Variants in FFAR2 observed in about 807,000 individuals in gnomAD.
FFAR2 encodes G-protein coupled receptor 43.
For missense variants in FFAR2, 421 were observed against 428.9 expected (o/e 0.98, Z 0.16); for synonymous variants, 193 against 189.9 (o/e 1.02, Z -0.13).
At chr19:35,449,006 G>A (rs978316340) in intron 1 of FFAR2, among the ~76,000 whole-genome samples, 10 of 150,792 alleles carry the variant, frequency 6.6e-5, no homozygotes, top group Non-Finnish European at 1.3e-4. Context: ...GTTTCACCAC[G>A]TTGGCCAGGC....
chr19:35,450,367 G>A lies in FFAR2; in HGVS notation c.653G>A (p.Arg218His), dbSNP rs568119991. Residue 218 changes from arginine (R) to histidine (H), a missense_variant, in exon 2 of 2, where the codon CGC (arginine) becomes CAC (histidine). By Grantham distance (29) the Arg-to-His change is conservative. Transcript: ENST00000599180. ...CCCCTTGTGGGGGCCCAGAGGCGGC[G>A]CCGAGCCGTGGGGCTGGCTGTGGTG... is the stretch of plus-strand genomic sequence containing the variant. ...SQPLVGAQRR[R>H]RAVGLAVVTL... is the part of the protein sequence containing the mutation. 43 of 1,614,220 alleles carry A rather than the reference G, an allele frequency of 2.7e-5. No homozygotes were observed. The highest frequency in any genetic ancestry group is 2.5e-4 in the East Asian group (11 of 44,880).
Sources: gnomAD v4.1 joint callset for allele counts (sites outside exome capture counted in the v4.1 genomes callset) on GRCh38, gnomAD v4.1.1 for gene constraint, MANE v1.5 for transcripts, NCBI Gene and HGNC (gene_info 2026-07-23, HGNC 2026-07-21) for gene names.